DIAPH3: variants seen among roughly 807,000 people sequenced by gnomAD.
DIAPH3 encodes protein diaphanous homolog 3.
DIAPH3 carries 117 observed loss-of-function variants against 144.3 expected under a neutral mutation model. The ratio of observed to expected loss-of-function variants is 0.81; its 90% CI spans 0.70 to 0.95. The LOEUF (loss-of-function observed/expected upper bound fraction) is 0.95, where lower values mean the gene tolerates loss of function less well. Among genes scored for constraint, DIAPH3 ranks in the 40% least tolerant of loss-of-function variants. The probability of loss-of-function intolerance (pLI) is 0.00; values close to 1 mark genes in which losing one functional copy is unlikely to be tolerated. For synonymous variants in DIAPH3, 519 were observed against 488.9 expected (o/e 1.06, Z -0.81); for missense variants, 1,421 against 1,412.7 (o/e 1.01, Z -0.09).
At chr13:60,084,293 A>C (rs1025018116) in intron 4 of DIAPH3, among the ~76,000 whole-genome samples, 1 of 152,054 alleles carries the variant, frequency 6.6e-6, no homozygotes, top group Admixed American at 6.6e-5. Context: ...TCATTAAGCT[A>C]CACATCTTTT....
intron 24 of DIAPH3, among the ~76,000 whole-genome samples, chr13:59,811,767 G>C (rs936841987): frequency 1.4e-4 from 20 of 148,032 alleles, no homozygotes; most frequent in African/African-American, 5.0e-4. Flanking sequence ...AGAAATGTTT[G>C]TCATTTCAAA....
Position 60,080,075 on chromosome 13 carries a change from G to A in DIAPH3, c.495+13553C>T, listed in dbSNP as rs916876007. ...AACAAAGCTAGATTCTTAACTCCAGGAAACAAAGTATAGTTTTAAGGGCTA... is the reference window on the plus strand; with the variant it reads ...AACAAAGCTAGATTCTTAACTCCAGAAAACAAAGTATAGTTTTAAGGGCTA... On this transcript the variant is annotated intron_variant, in intron 4 of 27. Transcript: ENST00000400324. 2.6e-5 allele frequency among the ~76,000 whole-genome samples: 4 copies of A among 151,810 alleles called. No homozygotes were observed. In the East Asian group the frequency reaches 7.7e-4, roughly 29 times the overall value.
intron 14 of DIAPH3, 113 bp from the exon 15 acceptor site, chr13:59,974,569 T>A (rs2050566343): frequency 3.1e-6 from 3 of 959,624 alleles, no homozygotes. Flanking sequence ...ATTCCTGAAT[T>A]GGTTTTATGA....
At chr13:60,057,626 C>T (rs1026335305) in intron 4 of DIAPH3, among the ~76,000 whole-genome samples, 47 of 151,920 alleles carry the variant, frequency 3.1e-4, no homozygotes, top group African/African-American at 1.1e-3. Context: ...GCAGGCATCA[C>T]GTTATCTGAC....
intron 5 of DIAPH3, among the ~76,000 whole-genome samples, chr13:60,018,746 A>G (rs994286221): frequency 6.6e-6 from 1 of 152,164 alleles, no homozygotes; most frequent in African/African-American, 2.4e-5. Flanking sequence ...GAGTTGGGCA[A>G]TGGCCTTCTG....
intron 3 of DIAPH3, among the ~76,000 whole-genome samples, chr13:60,105,579 C>T (rs2058394217): frequency 6.6e-6 from 1 of 152,190 alleles, no homozygotes; most frequent in Admixed American, 6.6e-5. Context: ...CTCCCTCTTC[C>T]TCTTCATTAT....
intron 24 of DIAPH3, among the ~76,000 whole-genome samples, chr13:59,825,871 T>C (rs1593569123): frequency 1.3e-5 from 2 of 152,144 alleles, no homozygotes. Context: ...TCAAGGCTGG[T>C]TCAATATATG....
At chr13:60,070,857 C>A (rs1223235988) in intron 4 of DIAPH3, among the ~76,000 whole-genome samples, 1 of 152,104 alleles carries the variant, frequency 6.6e-6, no homozygotes, top group Non-Finnish European at 1.5e-5. Context: ...CATGTTTATA[C>A]AAAGAACATA....
intron 27 of DIAPH3, among the ~76,000 whole-genome samples, chr13:59,699,608 C>G (rs957749442): frequency 6.6e-6 from 1 of 152,174 alleles, no homozygotes; most frequent in Non-Finnish European, 1.5e-5. Flanking sequence ...GTAATTCACT[C>G]CATCTTAATT....
At chr13:60,026,481 A>G (rs941608857) in intron 5 of DIAPH3, among the ~76,000 whole-genome samples, 1 of 152,158 alleles carries the variant, frequency 6.6e-6, no homozygotes, top group Non-Finnish European at 1.5e-5. Context: ...TCTTCTTTAA[A>G]GCACCAATAT....
chr13:60,016,341 A>G (rs2140989901), intron 5 of DIAPH3, among the ~76,000 whole-genome samples, 196 bp from the exon 6 acceptor site: 1 of 152,336 alleles, frequency 6.6e-6, no homozygotes, highest in Admixed American at 6.5e-5. Flanking sequence ...ATAGTGTGCT[A>G]AACTCCGCTT....
rs375671674 is a variant in DIAPH3 at position 59,894,333 on chromosome 13, G to A, written c.2368-14865C>T. Among the ~76,000 whole-genome samples the A allele has an allele frequency of 3.3e-5, 5 of 152,022 alleles. No homozygotes were observed. The South Asian group carries it at 1.0e-3, about 32-fold the overall frequency. On this transcript the variant is annotated intron_variant, in intron 20 of 27. Coordinates refer to ENST00000400324, the MANE Select transcript of DIAPH3 (RefSeq NM_001042517.2). ...TAATAAAGGATGAGGCTATAATTAAGGCTCGTGGGCATAAAAAAAATAGGC... is the reference window on the plus strand; with the variant it reads ...TAATAAAGGATGAGGCTATAATTAAAGCTCGTGGGCATAAAAAAAATAGGC...
At chr13:59,806,223 A>C (rs1430297898) in intron 25 of DIAPH3, among the ~76,000 whole-genome samples, 3 of 152,034 alleles carry the variant, frequency 2.0e-5, no homozygotes, top group South Asian at 4.1e-4. Context: ...TGTAAATTCA[A>C]TAATTCACCC....
chr13:59,989,173 G>A (rs766787780), intron 12 of DIAPH3, among the ~76,000 whole-genome samples: 1 of 151,726 alleles, frequency 6.6e-6, no homozygotes, highest in African/African-American at 2.4e-5. Context: ...AGGTAAAATA[G>A]AGGTCCTTCT....
At chr13:60,020,958 T>C (rs1010370149) in intron 5 of DIAPH3, 1 of 152,226 alleles carries the variant, frequency 6.6e-6, no homozygotes, top group East Asian at 1.9e-4. Flanking sequence ...GTAAAAGAAA[T>C]GGCCTGTGCT....
chr13:59,717,098 C>T (rs1169734926), intron 27 of DIAPH3, among the ~76,000 whole-genome samples: 1 of 152,002 alleles, frequency 6.6e-6, no homozygotes. Flanking sequence ...AAAATATATT[C>T]AAAAGATCTG....
chr13:59,839,121 AACAGACAG>A (rs895647039), intron 23 of DIAPH3, 195 bp downstream of exon 23: 3 of 502,066 alleles, frequency 6.0e-6, no homozygotes, highest in Non-Finnish European at 1.0e-5. Flanking sequence ...TAAATAAACA[AACAGACAG>A]ACAGACAGAC....
At chr13:60,060,191 T>C (rs903432643) in intron 4 of DIAPH3, among the ~76,000 whole-genome samples, 3 of 152,080 alleles carry the variant, frequency 2.0e-5, no homozygotes, top group Non-Finnish European at 4.4e-5. Context: ...GAACAAAATC[T>C]AATTCACTTT....
intron 5 of DIAPH3, among the ~76,000 whole-genome samples, chr13:60,033,540 G>A (rs2054966856): frequency 6.6e-6 from 1 of 152,158 alleles, no homozygotes; most frequent in Admixed American, 6.5e-5. Context: ...ATCACATGGT[G>A]AGACCAGGAG....
Sources: allele counts gnomAD v4.1 joint callset (sites outside exome capture counted in the v4.1 genomes callset), GRCh38; gene constraint gnomAD v4.1.1; transcripts MANE v1.5; gene names NCBI Gene and HGNC (gene_info 2026-07-23, HGNC 2026-07-21).